DTX1: variants seen among roughly 807,000 people sequenced by gnomAD.
DTX1 encodes the protein E3 ubiquitin-protein ligase DTX1.
A neutral mutation model predicts 57.8 loss-of-function variants in DTX1; 26 were observed. The ratio of observed to expected loss-of-function variants is 0.45; its 90% CI spans 0.33 to 0.62. The LOEUF is 0.62. Among genes scored for constraint, DTX1 ranks in the 20% least tolerant of loss-of-function variants. The pLI is 0.02. For synonymous variants in DTX1, 398 were observed against 394.1 expected, an observed-to-expected ratio of 1.01 and a Z score of -0.12; for missense variants, 704 against 895.3, an observed-to-expected ratio of 0.79 and a Z score of 2.73.
intron 2 of DTX1, among the ~76,000 whole-genome samples, chr12:113,059,986 G>A (rs979628439): frequency 6.6e-6 from 1 of 152,244 alleles, no homozygotes; most frequent in Middle Eastern, 3.4e-3. Flanking sequence ...AGTTAGAAAG[G>A]AGGCCAGCCT....
At chr12:113,091,173 G>C (rs1377743401) in intron 3 of DTX1, among the ~76,000 whole-genome samples, 1 of 152,126 alleles carries the variant, frequency 6.6e-6, no homozygotes, top group Non-Finnish European at 1.5e-5. Context: ...CTTGTCCAAT[G>C]GAGTATCCTC....
At position 113,096,704 on chromosome 12, in the gene DTX1, T is replaced by G. The variant is rs1363822693; in HGVS notation, c.1639-11T>G. 1 of 1,606,588 alleles carries G rather than the reference T, an allele frequency of 6.2e-7. No individual in the cohort carries two copies. Among genetic ancestry groups the G allele is most frequent in the Non-Finnish European group, 8.5e-7 (1 of 1,177,110 alleles). On this transcript the variant is annotated splice_polypyrimidine_tract_variant and intron_variant, in intron 9 of 9. Transcript: ENST00000548759. ...CCTCCTCCCGGCCCCACTGTGTCCC[T>G]GTCCCCCCAGGTGCTGCGGCTGCTC...
intron 6 of DTX1, among the ~76,000 whole-genome samples, chr12:113,094,301 A>G (rs1234424999): frequency 1.3e-5 from 2 of 152,122 alleles, no homozygotes; most frequent in African/African-American, 4.8e-5. Flanking sequence ...TTTTTGTGTC[A>G]TTTTCACCCA....
At chr12:113,085,118 C>G (rs984611676) in intron 3 of DTX1, among the ~76,000 whole-genome samples, 5 of 132,262 alleles carry the variant, frequency 3.8e-5, no homozygotes. Context: ...GGCGAGATCT[C>G]CACTCACTGC....
intron 2 of DTX1, among the ~76,000 whole-genome samples, chr12:113,070,852 T>C (rs189716744): frequency 3.3e-5 from 5 of 152,326 alleles, no homozygotes; most frequent in Middle Eastern, 3.4e-3. Flanking sequence ...TCCCAAGAGT[T>C]CACCTCTCCG....
rs533654618 is a variant in DTX1, at chr12:113,084,954, T to G, written c.941+6849T>G. Among the ~76,000 whole-genome samples the G allele has an allele frequency of 4.0e-5, 6 of 150,610 alleles. No homozygotes were observed. In the South Asian group the frequency reaches 1.3e-3, roughly 32 times the overall value. On this transcript the variant is annotated intron_variant, in intron 3 of 9. Transcript: ENST00000548759. ...CCTGAGCTCATCTTCCTCTCTGGTC[T>G]TCAGTTTTTGCATCTGTGAAATGGG...
intron 2 of DTX1, among the ~76,000 whole-genome samples, chr12:113,070,707 A>G (rs528142857): frequency 6.6e-6 from 1 of 152,356 alleles, no homozygotes; most frequent in Admixed American, 6.5e-5. Flanking sequence ...AAGCTGAAGT[A>G]GTGAGCTCTC....
chr12:113,084,942 T>TCC (rs1207516097), intron 3 of DTX1, among the ~76,000 whole-genome samples: 1 of 151,828 alleles, frequency 6.6e-6, no homozygotes, highest in African/African-American at 2.4e-5. Flanking sequence ...GAGCTCATCT[T>TCC]CCTCTCTGGT....
intron 2 of DTX1, among the ~76,000 whole-genome samples, chr12:113,070,382 C>T (rs1402508960): frequency 1.3e-5 from 2 of 152,224 alleles, no homozygotes; most frequent in African/African-American, 2.4e-5. Context: ...CCGCCTCCCA[C>T]GTGCCCCCTT....
chr12:113,078,914 TAGAA>T (rs1287068292), intron 3 of DTX1, among the ~76,000 whole-genome samples: 1 of 152,096 alleles, frequency 6.6e-6, no homozygotes, highest in Non-Finnish European at 1.5e-5. Context: ...GGTGGGGTAA[TAGAA>T]AGCCAGGCAA....
chr12:113,069,179 C>T (rs903903121), intron 2 of DTX1, among the ~76,000 whole-genome samples: 1 of 152,108 alleles, frequency 6.6e-6, no homozygotes, highest in Admixed American at 6.5e-5. Flanking sequence ...TATGCCATTT[C>T]ACAGATGAGA....
chr12:113,069,861 G>C (rs1013999572), intron 2 of DTX1, among the ~76,000 whole-genome samples: 1 of 152,188 alleles, frequency 6.6e-6, no homozygotes, highest in African/African-American at 2.4e-5. Context: ...CTTGTTGTAG[G>C]AGACAGGTGA....
chr12:113,070,077 A>G (rs2044729010), intron 2 of DTX1, among the ~76,000 whole-genome samples: 1 of 152,066 alleles, frequency 6.6e-6, no homozygotes, highest in Non-Finnish European at 1.5e-5. Context: ...CCACTCACAG[A>G]TGGCATCCGG....
At chr12:113,076,608 TAAATA>T (rs569501583) in intron 2 of DTX1, among the ~76,000 whole-genome samples, 277 of 151,764 alleles carry the variant, frequency 1.8e-3, no homozygotes, top group African/African-American at 6.5e-3. Flanking sequence ...TCTAAATAAA[TAAATA>T]AAATAAAATA....
Position 113,077,433 on chromosome 12 carries a change from G to C in DTX1, c.269G>C (p.Arg90Pro). The C allele has an allele frequency of 6.2e-7, 1 of 1,606,386 alleles. No homozygotes were observed. Among genetic ancestry groups the C allele is most frequent in the Non-Finnish European group, 8.5e-7 (1 of 1,178,578 alleles). Residue 90 changes from arginine to proline, a missense_variant, in exon 3 of 10, where the codon CGG becomes CCG. This residue lies in a region of DTX1 where 237 missense variants were observed against 328.6 expected (regional missense o/e 0.72). Coordinates refer to ENST00000548759, the MANE Select transcript of DTX1 (RefSeq NM_004416.3). This position sits in a 1 kb window ranked among gnomAD's most constrained non-coding sequence, Gnocchi z 7.8. The part of the protein sequence containing the change: ...HQFRQDTGTM[R>P]PVRRNFYDPS... ...CCCATTTCGAGTACAGGCACCATGC[G>C]GCCCGTGCGGCGCAACTTCTACGAC...
rs537638891 is a variant in DTX1, at chr12:113,057,965, C to A, written c.-228C>A. 3 of 653,084 alleles carry A rather than the reference C, an allele frequency of 4.6e-6. No individual in the cohort carries two copies. Among genetic ancestry groups the A allele is most frequent in the Non-Finnish European group, 7.6e-6 (3 of 395,168 alleles). 40.5% of individuals were successfully genotyped at this position (653,084 alleles called of 1,614,324 possible). On this transcript the variant is annotated 5_prime_UTR_variant, in exon 2 of 10. Coordinates refer to ENST00000548759, the MANE Select transcript of DTX1 (RefSeq NM_004416.3). ...AGACACTTGCTTTCCAGGGCAGCAC[C>A]CTTTATCGGAGAAGGCTCTACAGGG...
intron 3 of DTX1, among the ~76,000 whole-genome samples, chr12:113,092,308 G>A (rs1383348029): frequency 2.1e-5 from 3 of 144,204 alleles, no homozygotes; most frequent in Non-Finnish European, 4.5e-5. Context: ...ATAATTTCAC[G>A]GAATCCTCAC....
At chr12:113,068,118 G>A (rs574194139) in intron 2 of DTX1, among the ~76,000 whole-genome samples, 15 of 152,270 alleles carry the variant, frequency 9.9e-5, no homozygotes, top group African/African-American at 4.8e-5. Flanking sequence ...AACCATATCC[G>A]CCCAGCTTGC....
intron 3 of DTX1, among the ~76,000 whole-genome samples, chr12:113,080,589 A>C (rs1039777187): frequency 6.6e-5 from 10 of 151,160 alleles, no homozygotes; most frequent in African/African-American, 2.4e-4. Context: ...TTCTTGGAAC[A>C]GAATGGAATG....
Sources: gnomAD v4.1 joint callset for allele counts (sites outside exome capture counted in the v4.1 genomes callset) on GRCh38, gnomAD v4.1.1 for gene constraint, gnomAD v4.1.1 regional missense constraint, Gnocchi (gnomAD v3.1) non-coding constraint, MANE v1.5 for transcripts, NCBI Gene and HGNC (gene_info 2026-07-23, HGNC 2026-07-21) for gene names.